The following MUC15 variants were observed in gnomAD, a reference collection of about 807,000 sequenced individuals.
MUC15 encodes the protein mucin-15.
MUC15 carries 23 observed loss-of-function variants against 24.0 expected under a neutral mutation model. That is an observed-to-expected ratio of 0.96 (90% CI 0.69 to 1.36). The LOEUF is 1.36. MUC15 is among the 40% of genes most tolerant of loss of function. MUC15 has a pLI of 0.00. For missense variants in MUC15, 442 were observed against 428.2 expected (o/e 1.03, Z -0.29); for synonymous variants, 151 against 156.3 (o/e 0.97, Z 0.25).
At chr11:26,568,926 A>G (rs1209641943) in intron 1 of MUC15, among the ~76,000 whole-genome samples, 1 of 152,060 alleles carries the variant, frequency 6.6e-6, no homozygotes, top group Non-Finnish European at 1.5e-5. Flanking sequence ...CACTATTTTC[A>G]GCATTATTAT....
At chr11:26,571,722 T>C (rs1360917418) in intron 1 of MUC15, among the ~76,000 whole-genome samples, 2 of 152,200 alleles carry the variant, frequency 1.3e-5, no homozygotes, top group Non-Finnish European at 2.9e-5. Context: ...TACTAAGATC[T>C]GACTTAAGAA....
At chr11:26,567,244 TAG>T (rs1471283135) in intron 1 of MUC15, 105 bp from the exon 2 acceptor site, 14 of 709,742 alleles carry the variant, frequency 2.0e-5, no homozygotes, top group Non-Finnish European at 2.9e-5. Flanking sequence ...TTTAAAAAAA[TAG>T]ACTTTTTTTT....
At chr11:26,562,341 T>G (rs1445277616) in intron 4 of MUC15, among the ~76,000 whole-genome samples, 1 of 151,930 alleles carries the variant, frequency 6.6e-6, no homozygotes, top group East Asian at 1.9e-4. Flanking sequence ...TCAAATTCAG[T>G]AAGACTTCAT....
chr11:26,570,604 T>C (rs569801808), intron 1 of MUC15, among the ~76,000 whole-genome samples: 3 of 152,210 alleles, frequency 2.0e-5, no homozygotes, highest in Non-Finnish European at 2.9e-5. Flanking sequence ...TATAAAAACA[T>C]GTTTCTATAG....
chr11:26,568,232 C>G (rs536229104), intron 1 of MUC15, among the ~76,000 whole-genome samples: 1 of 151,888 alleles, frequency 6.6e-6, no homozygotes, highest in Non-Finnish European at 1.5e-5. Context: ...TAATGCTAAC[C>G]AAAAATAAAC....
chr11:26,564,752 T>C (rs867755056), intron 3 of MUC15, among the ~76,000 whole-genome samples: 6 of 78,424 alleles, frequency 7.7e-5, no homozygotes, highest in East Asian at 4.6e-4. Context: ...TATATATATA[T>C]ATATATATAT....
At position 26,560,830 on chromosome 11, in the gene MUC15, T is replaced by C. The variant is rs763528540; in HGVS notation, c.*235A>G. 2 of 384,946 alleles carry C rather than the reference T, an allele frequency of 5.2e-6. No homozygotes were observed. Among genetic ancestry groups the C allele is most frequent in the Non-Finnish European group, 9.2e-6 (2 of 217,686 alleles). The allele number at this position is 384,946 out of a possible 1,614,324, so 23.8% of individuals were successfully genotyped here. On this transcript the variant is annotated 3_prime_UTR_variant, in exon 5 of 5. Transcript: ENST00000529533. ...ATATTTTCTACTAAGAAAATACTACTAAAATACAAATTAAGGCTACTTAGT... is the reference window on the plus strand; with the variant it reads ...ATATTTTCTACTAAGAAAATACTACCAAAATACAAATTAAGGCTACTTAGT...
At chr11:26,569,781 A>G (rs1850746773) in intron 1 of MUC15, among the ~76,000 whole-genome samples, 1 of 152,112 alleles carries the variant, frequency 6.6e-6, no homozygotes, top group Non-Finnish European at 1.5e-5. Context: ...TAAAGCTGAA[A>G]TGATGATGGA....
chr11:26,565,281 G>C lies in MUC15; in HGVS notation c.659C>G (p.Thr220Arg). 1 of 1,597,250 alleles carries C rather than the reference G, an allele frequency of 6.3e-7. No individual in the cohort carries two copies. The highest frequency in any genetic ancestry group is 2.3e-5 in the East Asian group (1 of 43,940). ...LIVEPSGWLT[T>R]NSDSFTGFTP... ...AAACCCAGTGAAGCTATCACTGTTTGTGGTAAGCCATCCACTTGGTTCCAC... is the reference window on the plus strand; with the variant it reads ...AAACCCAGTGAAGCTATCACTGTTTCTGGTAAGCCATCCACTTGGTTCCAC... The change falls in exon 3 of 5, where the codon ACA becomes AGA. Residue 220 changes from threonine to arginine, a missense_variant. Transcript: ENST00000529533.
chr11:26,560,957 G>T lies in MUC15; in HGVS notation c.*108C>A. ...GTCTCCTGCTTTTATGATTCTCCTT[G>T]ACAAAATCCACGTGACAGTAATTTT... On this transcript the variant is annotated 3_prime_UTR_variant, in exon 5 of 5. Transcript: ENST00000529533. 9.1e-7 allele frequency: 1 copy of T among 1,099,254 alleles called. No homozygotes were observed. The allele number at this position is 1,099,254 out of a possible 1,614,324, so 68.1% of individuals were successfully genotyped here. A position where few individuals can be genotyped will look rare whatever the true frequency, so the allele number is the denominator to read the frequency against.
chr11:26,566,238 A>G (rs984427862), intron 2 of MUC15, among the ~76,000 whole-genome samples: 1 of 152,020 alleles, frequency 6.6e-6, no homozygotes, highest in African/African-American at 2.4e-5. Flanking sequence ...TAAAACATGT[A>G]TATGAACTGT....
chr11:26,559,871 CA>C lies in MUC15; in HGVS notation c.*1193del, dbSNP rs1268623529. On this transcript the variant is annotated 3_prime_UTR_variant, in exon 5 of 5. Transcript: ENST00000529533. Reference sequence around the variant, plus strand: ...ACACACACACACACACACACACACACACACCATGAATCAATTCAAAAATAAA... The same window carrying C: ...ACACACACACACACACACACACACACCACCATGAATCAATTCAAAAATAAA... The C allele has an allele frequency of 3.4e-5, 27 of 797,590 alleles. No homozygotes were observed. The highest frequency in any genetic ancestry group is 3.8e-4 in the Middle Eastern group (1 of 2,622). The allele number at this position is 797,590 out of a possible 1,614,324, so 49.4% of individuals were successfully genotyped here.
At chr11:26,569,141 C>T (rs1850718159) in intron 1 of MUC15, among the ~76,000 whole-genome samples, 1 of 151,972 alleles carries the variant, frequency 6.6e-6, no homozygotes, top group Admixed American at 6.6e-5. Context: ...TTCTGTTGTT[C>T]CTGTTTCACC....
rs777864458 is a variant in MUC15 at position 26,559,757 on chromosome 11, T to G, written c.*1308A>C. 1.2e-6 allele frequency: 2 copies of G among 1,612,218 alleles called. No homozygotes were observed. The highest frequency in any genetic ancestry group is 1.7e-6 in the Non-Finnish European group (2 of 1,178,806). The stretch of plus-strand genomic sequence containing the variant: ...TCGATAATGGAGGGACAGTCTTCTT[T>G]GCTATTTTTATGGCAATATGGGGTA... On this transcript the variant is annotated 3_prime_UTR_variant, in exon 5 of 5. Transcript: ENST00000529533.
intron 2 of MUC15, 35 bp from the exon 3 acceptor site, chr11:26,565,931 A>G (rs1404005960): frequency 2.0e-6 from 3 of 1,503,360 alleles, no homozygotes; most frequent in Non-Finnish European, 1.8e-6. Flanking sequence ...AATTCCTTAA[A>G]TAAAATACTC....
In MUC15 at chr11:26,559,872, A is replaced by ACACACC; in HGVS notation, c.*1192_*1193insGGTGTG. On this transcript the variant is annotated 3_prime_UTR_variant, in exon 5 of 5. Coordinates refer to ENST00000529533, the MANE Select transcript of MUC15 (RefSeq NM_001135091.2). ...CACACACACACACACACACACACAC[A>ACACACC]CACCATGAATCAATTCAAAAATAAA... 1.2e-6 allele frequency: 1 copy of ACACACC among 803,572 alleles called. No homozygotes were observed. Among genetic ancestry groups the ACACACC allele is most frequent in the Non-Finnish European group, 2.0e-6 (1 of 488,560 alleles). The allele number at this position is 803,572 out of a possible 1,614,324, so 49.8% of individuals were successfully genotyped here. A position where few individuals can be genotyped will look rare whatever the true frequency, so the allele number is the denominator to read the frequency against.
At chr11:26,566,952 T>C (rs1169725883) in intron 2 of MUC15, 100 bp downstream of exon 2, 4 of 1,108,972 alleles carry the variant, frequency 3.6e-6, no homozygotes, top group Non-Finnish European at 4.8e-6. Context: ...AAGTAAACAC[T>C]TAATAGATGC....
chr11:26,566,953 T>C, intron 2 of MUC15, 99 bp downstream of exon 2: 1 of 1,102,992 alleles, frequency 9.1e-7, no homozygotes, highest in South Asian at 3.1e-5. Context: ...AGTAAACACT[T>C]AATAGATGCT....
intron 3 of MUC15, among the ~76,000 whole-genome samples, chr11:26,563,832 C>T (rs1485740000): frequency 6.6e-6 from 1 of 151,832 alleles, no homozygotes; most frequent in Non-Finnish European, 1.5e-5. Flanking sequence ...ATATCAAGAA[C>T]AGTTGTCTAG....
Sources: allele counts gnomAD v4.1 joint callset (sites outside exome capture counted in the v4.1 genomes callset), GRCh38; gene constraint gnomAD v4.1.1; transcripts MANE v1.5; gene names NCBI Gene and HGNC (gene_info 2026-07-23, HGNC 2026-07-21).